The following CAMKMT variants were observed in gnomAD, a reference collection of about 807,000 sequenced individuals.
The protein encoded by CAMKMT is CaM KMT.
CAMKMT carries 53 observed loss-of-function variants against 48.0 expected under a neutral mutation model. That is an observed-to-expected ratio of 1.10 (90% CI 0.89 to 1.39). The LOEUF is 1.39. Ranked by LOEUF, CAMKMT falls within the 40% of genes most tolerant of loss-of-function variation. The probability of loss-of-function intolerance (pLI) is 0.00; values close to 1 mark genes in which losing one functional copy is unlikely to be tolerated. For missense variants in CAMKMT, 428 were observed against 402.7 expected (o/e 1.06, Z -0.54); for synonymous variants, 165 against 152.3 (o/e 1.08, Z -0.61).
At chr2:44,708,210 G>GGTTTTTT (rs1558809421) in intron 6 of CAMKMT, among the ~76,000 whole-genome samples, 1 of 17,670 alleles carries the variant, frequency 5.7e-5, no homozygotes, top group African/African-American at 3.0e-4. Context: ...GTTTGCTTTG[G>GGTTTTTT]ATTTTTTTTT....
intron 3 of CAMKMT, among the ~76,000 whole-genome samples, chr2:44,602,344 A>G (rs983166754): frequency 4.6e-5 from 7 of 152,168 alleles, no homozygotes; most frequent in Non-Finnish European, 1.0e-4. Flanking sequence ...TATTATTTTT[A>G]ATGACTACCT....
At chr2:44,616,227 A>C (rs555074548) in intron 3 of CAMKMT, among the ~76,000 whole-genome samples, 1 of 152,064 alleles carries the variant, frequency 6.6e-6, no homozygotes, top group Admixed American at 6.5e-5. Context: ...CCCAATCTCC[A>C]TATTCAGCTG....
chr2:44,647,627 C>T (rs1046280076), intron 3 of CAMKMT, among the ~76,000 whole-genome samples: 17 of 152,066 alleles, frequency 1.1e-4, no homozygotes, highest in African/African-American at 3.4e-4. Flanking sequence ...AACTATGGGC[C>T]GGGCACAGTG....
intron 3 of CAMKMT, among the ~76,000 whole-genome samples, chr2:44,518,205 G>A (rs1670929002): frequency 2.0e-5 from 3 of 152,032 alleles, no homozygotes; most frequent in Non-Finnish European, 1.5e-5. Context: ...ATTATTGTTA[G>A]ACAAAAATAC....
chr2:44,569,722 C>T (rs532506409), intron 3 of CAMKMT, among the ~76,000 whole-genome samples: 1 of 152,304 alleles, frequency 6.6e-6, no homozygotes, highest in East Asian at 1.9e-4. Context: ...AATCCTCTTT[C>T]CTCTATTTCC....
chr2:44,591,294 GTCA>G (rs1189082729), intron 3 of CAMKMT, among the ~76,000 whole-genome samples: 1 of 152,184 alleles, frequency 6.6e-6, no homozygotes, highest in Non-Finnish European at 1.5e-5. Flanking sequence ...TGTGAAGAAA[GTCA>G]TTGGTAGCTT....
chr2:44,409,489 T>C (rs1683043752), intron 3 of CAMKMT, among the ~76,000 whole-genome samples: 1 of 152,146 alleles, frequency 6.6e-6, no homozygotes, highest in African/African-American at 2.4e-5. Flanking sequence ...TAGATGTTAT[T>C]GCGTTATCAC....
intron 3 of CAMKMT, among the ~76,000 whole-genome samples, chr2:44,419,769 A>T (rs1275432509): frequency 2.6e-5 from 4 of 152,136 alleles, no homozygotes; most frequent in African/African-American, 9.7e-5. Flanking sequence ...AGGTAGGAGG[A>T]TCACTTGAGC....
At chr2:44,607,221 A>G (rs1671336467) in intron 3 of CAMKMT, among the ~76,000 whole-genome samples, 1 of 152,232 alleles carries the variant, frequency 6.6e-6, no homozygotes, top group Admixed American at 6.5e-5. Flanking sequence ...AGAATGCCCC[A>G]GTAATGCTGA....
In CAMKMT at chr2:44,586,759, C is replaced by T. The variant is rs115133925; in HGVS notation, c.377-117524C>T. 2.7e-3 allele frequency among the ~76,000 whole-genome samples: 414 copies of T among 152,270 alleles called. 1 individual carries two copies. The highest frequency in any genetic ancestry group is 9.4e-3 in the African/African-American group (389 of 41,550). On this transcript the variant is annotated intron_variant, in intron 3 of 10. Coordinates refer to ENST00000378494, the MANE Select transcript of CAMKMT (RefSeq NM_024766.5). ...CAGCTTTGGGTTATTATATATAAAG[C>T]TGTTGTGACATTTATGTAGAATCTT...
chr2:44,496,888 G>C (rs186558128), intron 3 of CAMKMT, among the ~76,000 whole-genome samples: 1 of 152,144 alleles, frequency 6.6e-6, no homozygotes, highest in African/African-American at 2.4e-5. Context: ...GTTTAGAGCT[G>C]CTGGCAGTGT....
intron 3 of CAMKMT, among the ~76,000 whole-genome samples, chr2:44,511,715 A>G (rs867073705): frequency 1.3e-5 from 2 of 152,210 alleles, no homozygotes; most frequent in Non-Finnish European, 2.9e-5. Context: ...TCTGCCTCCT[A>G]AAACCATCTG....
At chr2:44,451,634 A>C (rs531604294) in intron 3 of CAMKMT, among the ~76,000 whole-genome samples, 1 of 152,150 alleles carries the variant, frequency 6.6e-6, no homozygotes, top group East Asian at 1.9e-4. Flanking sequence ...TTTATTCAGT[A>C]AAGAGTTATC....
intron 2 of CAMKMT, among the ~76,000 whole-genome samples, chr2:44,382,223 G>A (rs998694385): frequency 4.6e-5 from 7 of 151,966 alleles, no homozygotes; most frequent in Admixed American, 3.9e-4. Context: ...GATTATAGGC[G>A]TGAGTCATCT....
intron 2 of CAMKMT, among the ~76,000 whole-genome samples, chr2:44,382,016 A>C (rs1680297003): frequency 6.9e-6 from 1 of 143,894 alleles, no homozygotes. Context: ...ATCTCGGCTC[A>C]CAGCAGCCTC....
At chr2:44,554,440 A>G (rs1166293957) in intron 3 of CAMKMT, among the ~76,000 whole-genome samples, 1 of 152,144 alleles carries the variant, frequency 6.6e-6, no homozygotes, top group African/African-American at 2.4e-5. Context: ...AGTACTTGAT[A>G]CACAATAAAT....
intron 3 of CAMKMT, among the ~76,000 whole-genome samples, chr2:44,400,030 C>A (rs539195103): frequency 1.3e-5 from 2 of 152,142 alleles, no homozygotes; most frequent in Non-Finnish European, 2.9e-5. Flanking sequence ...CAGCATAGTA[C>A]CTTTCACAAA....
intron 1 of CAMKMT, among the ~76,000 whole-genome samples, chr2:44,370,545 T>C (rs1572649974): frequency 6.6e-6 from 1 of 152,166 alleles, no homozygotes; most frequent in Non-Finnish European, 1.5e-5. Flanking sequence ...CCTTTTTTCT[T>C]ATTAGTCTTA....
chr2:44,621,529 A>G (rs1218289183), intron 3 of CAMKMT, among the ~76,000 whole-genome samples: 1 of 152,212 alleles, frequency 6.6e-6, no homozygotes, highest in Non-Finnish European at 1.5e-5. Context: ...GAAAGCTGGG[A>G]GAACATATTC....
Sources: allele counts gnomAD v4.1 joint callset (sites outside exome capture counted in the v4.1 genomes callset), GRCh38; gene constraint gnomAD v4.1.1; transcripts MANE v1.5; gene names NCBI Gene and HGNC (gene_info 2026-07-23, HGNC 2026-07-21).